The following ADORA2B variants were observed in gnomAD, a reference collection of about 807,000 sequenced individuals.
ADORA2B encodes the protein adenosine receptor A2b.
In ADORA2B, 18 loss-of-function variants were observed where a neutral mutation model predicts 20.8. The observed-to-expected ratio is 0.87, with a 90% CI of 0.60 to 1.29. The LOEUF (loss-of-function observed/expected upper bound fraction) is 1.29, where lower values mean the gene tolerates loss of function less well. ADORA2B is among the 50% of genes most tolerant of loss of function. The pLI, the probability that ADORA2B is intolerant of heterozygous loss-of-function variation, is 0.00. For synonymous variants in ADORA2B, 179 were observed against 178.3 expected (o/e 1.00, Z -0.03); for missense variants, 441 against 422.7 (o/e 1.04, Z -0.38).
At chr17:15,890,043 A>T in the ADORA2B span, among the ~76,000 whole-genome samples, 1 of 129,964 alleles carries the variant, frequency 7.7e-6, no homozygotes, top group Non-Finnish European at 1.6e-5. Context: ...CCTAGATGTG[A>T]TATTACTGGG....
the ADORA2B span, among the ~76,000 whole-genome samples, chr17:15,914,084 G>A: frequency 2.0e-5 from 3 of 152,324 alleles, no homozygotes; most frequent in Non-Finnish European, 4.4e-5. Flanking sequence ...ATGGGGACAT[G>A]CAGCTCATGG....
the ADORA2B span, among the ~76,000 whole-genome samples, chr17:15,873,433 A>G: frequency 6.6e-6 from 1 of 152,174 alleles, no homozygotes; most frequent in Non-Finnish European, 1.5e-5. Context: ...AGCAAAAGAA[A>G]TAATAATCAG....
chr17:15,949,222 T>G (rs1486358765), intron 1 of ADORA2B, among the ~76,000 whole-genome samples: 5 of 143,448 alleles, frequency 3.5e-5, no homozygotes, highest in Middle Eastern at 8.4e-3. Context: ...AAAAAAAAAT[T>G]GAGCTATAGT....
chr17:15,865,617 G>A, the ADORA2B span, among the ~76,000 whole-genome samples: 1 of 152,184 alleles, frequency 6.6e-6, no homozygotes, highest in East Asian at 1.9e-4. Flanking sequence ...GTCACCACTC[G>A]CATCCAGAAG....
the ADORA2B span, among the ~76,000 whole-genome samples, chr17:15,891,005 G>A: frequency 6.6e-6 from 1 of 152,194 alleles, no homozygotes; most frequent in African/African-American, 2.4e-5. Context: ...AGTGGCTCAC[G>A]CCTGTAATCC....
At chr17:15,891,577 T>TA in the ADORA2B span, among the ~76,000 whole-genome samples, 1 of 152,128 alleles carries the variant, frequency 6.6e-6, no homozygotes, top group Non-Finnish European at 1.5e-5. Context: ...GCTGTAATAA[T>TA]AAAGACCTAT....
At chr17:15,923,850 A>G in the ADORA2B span, among the ~76,000 whole-genome samples, 8 of 152,142 alleles carry the variant, frequency 5.3e-5, no homozygotes, top group African/African-American at 1.9e-4. Flanking sequence ...TGTTTTTGCC[A>G]TGGAGAAAAT....
At chr17:15,900,062 C>T in the ADORA2B span, among the ~76,000 whole-genome samples, 1 of 152,006 alleles carries the variant, frequency 6.6e-6, no homozygotes, top group Non-Finnish European at 1.5e-5. Flanking sequence ...GATCTCTTGA[C>T]CTCGTGATCC....
chr17:15,916,473 C>CTGT, the ADORA2B span, among the ~76,000 whole-genome samples: 1 of 145,098 alleles, frequency 6.9e-6, no homozygotes, highest in Non-Finnish European at 1.6e-5. Flanking sequence ...TTTAGGGGCT[C>CTGT]ACAACTCTAA....
At chr17:15,928,626 G>T in the ADORA2B span, among the ~76,000 whole-genome samples, 3 of 152,168 alleles carry the variant, frequency 2.0e-5, no homozygotes, top group Non-Finnish European at 2.9e-5. Flanking sequence ...ACCTGAAGCA[G>T]AAACTCTGGA....
chr17:15,864,965 A>G, the ADORA2B span, among the ~76,000 whole-genome samples: 2 of 151,024 alleles, frequency 1.3e-5, no homozygotes, highest in Non-Finnish European at 2.9e-5. Context: ...AGAATGCTGT[A>G]GTGGGGCCTC....
upstream of ADORA2B, among the ~76,000 whole-genome samples, chr17:15,943,605 T>C (rs1313736935): frequency 6.6e-6 from 1 of 152,232 alleles, no homozygotes; most frequent in Non-Finnish European, 1.5e-5. Context: ...AGTTTTGGGA[T>C]TATAGGCGTG....
chr17:15,968,787 A>G (rs980067683), intron 1 of ADORA2B, among the ~76,000 whole-genome samples: 1 of 152,106 alleles, frequency 6.6e-6, no homozygotes, highest in South Asian at 2.1e-4. Context: ...TCACCTCAGG[A>G]GGCGTGGTTT....
chr17:15,943,134 T>C (rs1399042624), upstream of ADORA2B, among the ~76,000 whole-genome samples: 1 of 152,182 alleles, frequency 6.6e-6, no homozygotes, highest in East Asian at 1.9e-4. Flanking sequence ...TGCCAATATT[T>C]TGATATATAA....
the ADORA2B span, among the ~76,000 whole-genome samples, chr17:15,866,693 C>T: frequency 6.6e-6 from 1 of 151,382 alleles, no homozygotes; most frequent in Non-Finnish European, 1.5e-5. Flanking sequence ...CTCCCTCTGC[C>T]TCTGCCTCTG....
chr17:15,907,475 C>T, the ADORA2B span, among the ~76,000 whole-genome samples: 1 of 152,096 alleles, frequency 6.6e-6, no homozygotes, highest in Non-Finnish European at 1.5e-5. Context: ...AATTCAATCC[C>T]AAAGTTCATT....
the ADORA2B span, among the ~76,000 whole-genome samples, chr17:15,855,298 T>C: frequency 6.6e-6 from 1 of 151,798 alleles, no homozygotes; most frequent in East Asian, 1.9e-4. Flanking sequence ...AGTGCCATTT[T>C]ATAGATAAAG....
the ADORA2B span, among the ~76,000 whole-genome samples, chr17:15,875,854 T>C: frequency 6.6e-6 from 1 of 152,266 alleles, no homozygotes; most frequent in African/African-American, 2.4e-5. Flanking sequence ...GTGCTGGAAT[T>C]ACAGGCGTGA....
At chr17:15,852,371 G>C in the ADORA2B span, among the ~76,000 whole-genome samples, 13 of 152,132 alleles carry the variant, frequency 8.5e-5, no homozygotes, top group African/African-American at 2.6e-4. Flanking sequence ...GAATTTAAGT[G>C]ATCTTTCCCT....
Sources: gnomAD v4.1 joint callset for allele counts (sites outside exome capture counted in the v4.1 genomes callset) on GRCh38, gnomAD v4.1.1 for gene constraint, MANE v1.5 for transcripts, NCBI Gene and HGNC (gene_info 2026-07-23, HGNC 2026-07-21) for gene names.